TENM3: variants seen among roughly 807,000 people sequenced by gnomAD.
TENM3 encodes teneurin transmembrane protein 3, also known as teneurin-3.
Under a neutral mutation model 255.1 loss-of-function variants are expected in TENM3, and 63 were observed. The observed-to-expected ratio is 0.25, with a 90% CI of 0.20 to 0.30. The LOEUF is 0.30. TENM3 is among the 10% of genes least tolerant of loss of function. TENM3 has a pLI of 1.00. For missense variants in TENM3, 2,929 were observed against 3,461.1 expected (o/e 0.85, Z 3.86); for synonymous variants, 1,306 against 1,322.3 (o/e 0.99, Z 0.27).
At chr4:182,772,856 C>G (rs1375845974) in intron 22 of TENM3, among the ~76,000 whole-genome samples, 1 of 152,112 alleles carries the variant, frequency 6.6e-6, no homozygotes, top group Non-Finnish European at 1.5e-5. Context: ...CCCATTCTTT[C>G]AATATCACTG....
At chr4:181,679,901 A>G in the TENM3 span, among the ~76,000 whole-genome samples, 1 of 152,140 alleles carries the variant, frequency 6.6e-6, no homozygotes, top group South Asian at 2.1e-4. Flanking sequence ...TTCAGGCAGT[A>G]TGAGACTTGG....
the TENM3 span, among the ~76,000 whole-genome samples, chr4:181,999,054 G>A: frequency 6.6e-6 from 1 of 152,126 alleles, no homozygotes; most frequent in African/African-American, 2.4e-5. Context: ...TCGCTATTCT[G>A]GTTTCTGAGG....
intron 3 of TENM3, among the ~76,000 whole-genome samples, chr4:182,598,526 G>A (rs1196012003): frequency 1.3e-5 from 2 of 152,176 alleles, no homozygotes; most frequent in Non-Finnish European, 2.9e-5. Flanking sequence ...CAATGGTTAC[G>A]TTTTTATTTA....
chr4:182,050,723 G>A, the TENM3 span, among the ~76,000 whole-genome samples: 16 of 152,046 alleles, frequency 1.1e-4, no homozygotes, highest in African/African-American at 3.6e-4. Context: ...AGAATCTCTT[G>A]AGCCCCAGAG....
At chr4:182,071,822 T>C in the TENM3 span, among the ~76,000 whole-genome samples, 3 of 152,234 alleles carry the variant, frequency 2.0e-5, no homozygotes, top group Non-Finnish European at 4.4e-5. Context: ...GGGATGGTTC[T>C]TAATCACTTC....
At chr4:182,708,297 A>T (rs1758447603) in intron 12 of TENM3, among the ~76,000 whole-genome samples, 1 of 152,190 alleles carries the variant, frequency 6.6e-6, no homozygotes, top group Non-Finnish European at 1.5e-5. Flanking sequence ...TCCCTGGATC[A>T]TTCTGAACCT....
At chr4:182,070,006 T>A in the TENM3 span, among the ~76,000 whole-genome samples, 2 of 151,628 alleles carry the variant, frequency 1.3e-5, no homozygotes, top group East Asian at 3.9e-4. Context: ...TAAATAAGAG[T>A]TTGTAAAGAG....
At position 182,174,502 on chromosome 4, in the gene TENM3, TCACA is replaced by T. The variant is rs71605053; in HGVS notation, c.-76+29775_-76+29778del. The stretch of plus-strand genomic sequence containing the variant: ...AAGGAAAGCTTCCTTAGCTACTAAT[TCACA>T]CACACACACACACACACACACACAC... On this transcript the variant is annotated intron_variant, in intron 1 of 2. Transcript: ENST00000512480. Among the ~76,000 whole-genome samples the T allele has an allele frequency of 3.2e-3, 445 of 137,676 alleles. 3 individuals carry two copies. The highest frequency in any genetic ancestry group is 9.2e-3 in the African/African-American group (338 of 36,786). 90.3% of individuals were successfully genotyped at this position (137,676 alleles called of 152,430 possible). A position where few individuals can be genotyped will look rare whatever the true frequency, so the allele number is the denominator to read the frequency against.
the TENM3 span, among the ~76,000 whole-genome samples, chr4:181,529,982 A>T: frequency 1.3e-5 from 2 of 152,206 alleles, no homozygotes; most frequent in African/African-American, 4.8e-5. Flanking sequence ...TAAGAATAGG[A>T]CACATACAGG....
intron 3 of TENM3, among the ~76,000 whole-genome samples, chr4:182,541,339 G>C (rs951189385): frequency 1.3e-5 from 2 of 152,220 alleles, no homozygotes; most frequent in Non-Finnish European, 2.9e-5. Flanking sequence ...AAATATTTTT[G>C]GACTTCCTTC....
At chr4:182,299,779 G>A (rs556051672) in intron 1 of TENM3, among the ~76,000 whole-genome samples, 1 of 151,934 alleles carries the variant, frequency 6.6e-6, no homozygotes, top group Admixed American at 6.6e-5. Flanking sequence ...AGGACGGGGG[G>A]AGGGAGGGAA....
intron 1 of TENM3, among the ~76,000 whole-genome samples, chr4:182,274,743 A>C (rs1356434537): frequency 6.6e-6 from 1 of 152,216 alleles, no homozygotes; most frequent in Non-Finnish European, 1.5e-5. Flanking sequence ...TTTAGAGTAC[A>C]TAGACAGAAT....
At chr4:182,169,220 T>A in intron 1 of TENM3, 1 of 466,868 alleles carries the variant, frequency 2.1e-6, no homozygotes, top group Non-Finnish European at 4.4e-6. Context: ...AAGCCTGCAG[T>A]CTGGCGAGTC....
the TENM3 span, chr4:181,522,868 C>T: frequency 1.0e-6 from 1 of 999,086 alleles, no homozygotes; most frequent in Non-Finnish European, 1.6e-6. Flanking sequence ...GGTGTTTGTG[C>T]TGTTATTGTG....
Position 182,792,623 on chromosome 4 carries a change from G to C in TENM3, c.5951G>C (p.Ser1984Thr). 6.2e-7 allele frequency: 1 copy of C among 1,613,966 alleles called. No homozygotes were observed. The highest frequency in any genetic ancestry group is 1.3e-5 in the African/African-American group (1 of 75,046). Residue 1984 changes from serine to threonine, a missense_variant, in exon 26 of 28, where the codon AGT becomes ACT. Physicochemically the swap from Ser to Thr is moderately conservative, Grantham distance 58. This residue lies in a region of TENM3 where 303 missense variants were observed against 425.2 expected (regional missense o/e 0.71). Transcript: ENST00000511685. This position sits in a 1 kb window ranked among gnomAD's most constrained non-coding sequence, Gnocchi z 6.3. ...GTCCTAAAGACAGTAAACCTCCAGAGTGATGGTTTTATTTGCACCATTAGA... is the reference window on the plus strand; with the variant it reads ...GTCCTAAAGACAGTAAACCTCCAGACTGATGGTTTTATTTGCACCATTAGA... ...AGVLKTVNLQ[S>T]DGFICTIRYR...
At chr4:182,745,578 A>G (rs1459375860) in intron 19 of TENM3, among the ~76,000 whole-genome samples, 3 of 152,180 alleles carry the variant, frequency 2.0e-5, no homozygotes, top group African/African-American at 7.2e-5. Flanking sequence ...CCTCAGGGTT[A>G]TAAGTGACGT....
rs112809551 is a variant in TENM3 at position 182,265,989 on chromosome 4, A to C, written c.-76+22513A>C. Among the ~76,000 whole-genome samples the C allele has an allele frequency of 5.4e-3, 818 of 152,312 alleles. 14 individuals carry two copies. The highest frequency in any genetic ancestry group is 0.019 in the African/African-American group (775 of 41,562). Reference sequence around the variant, plus strand: ...CCTCTTTAACTTTTAAAAATTGTTCAATTGACCTACCTTAAAATTTACCTA... The same window carrying C: ...CCTCTTTAACTTTTAAAAATTGTTCCATTGACCTACCTTAAAATTTACCTA... On this transcript the variant is annotated intron_variant, in intron 1 of 27. Transcript: ENST00000511685.
intron 27 of TENM3, among the ~76,000 whole-genome samples, chr4:182,798,094 AC>A (rs1451479054): frequency 6.6e-6 from 1 of 151,952 alleles, no homozygotes; most frequent in East Asian, 1.9e-4. Flanking sequence ...TGCAGCCTTG[AC>A]CTCCTGGGCT....
chr4:181,742,213 TATCATTTTGCTGCCA>T, the TENM3 span, among the ~76,000 whole-genome samples: 1 of 152,160 alleles, frequency 6.6e-6, no homozygotes, highest in Non-Finnish European at 1.5e-5. Flanking sequence ...ACAGATATCC[TATCATTTTGCTGCCA>T]ATATAATTTG....
Sources: gnomAD v4.1 joint callset for allele counts (sites outside exome capture counted in the v4.1 genomes callset) on GRCh38, gnomAD v4.1.1 for gene constraint, gnomAD v4.1.1 regional missense constraint, Gnocchi (gnomAD v3.1) non-coding constraint, MANE v1.5 for transcripts, NCBI Gene and HGNC (gene_info 2026-07-23, HGNC 2026-07-21) for gene names.